Variants in HOXC4 observed in about 807,000 individuals in gnomAD.
The protein encoded by HOXC4 is homeobox C4.
HOXC4 carries 15 observed loss-of-function variants against 25.5 expected under a neutral mutation model. That is an observed-to-expected ratio of 0.59 (90% CI 0.39 to 0.91). The LOEUF (loss-of-function observed/expected upper bound fraction) is 0.91, where lower values mean the gene tolerates loss of function less well. HOXC4 is among the 40% of genes least tolerant of loss of function. The probability of loss-of-function intolerance (pLI) is 0.00; values close to 1 mark genes in which losing one functional copy is unlikely to be tolerated. For synonymous variants in HOXC4, 165 were observed against 148.0 expected (o/e 1.11, Z -0.83); for missense variants, 342 against 352.4 (o/e 0.97, Z 0.24).
chr12:54,036,088 G>C (rs1941179163), intron 1 of HOXC4, among the ~76,000 whole-genome samples: 1 of 152,136 alleles, frequency 6.6e-6, no homozygotes, highest in South Asian at 2.1e-4. Context: ...TCAGTCTCTG[G>C]GATTTTGTGT....
chr12:54,034,992 A>C, intron 1 of HOXC4: 1 of 169,184 alleles, frequency 5.9e-6, no homozygotes, highest in Admixed American at 5.5e-5. Flanking sequence ...TAGCGACTAA[A>C]CTAGATTTTC....
intron 1 of HOXC4, chr12:54,029,683 C>T: frequency 6.2e-7 from 1 of 1,613,592 alleles, no homozygotes; most frequent in South Asian, 1.1e-5. Context: ...ACCGGAGGCG[C>T]GGCCGCCAGA....
intron 1 of HOXC4, among the ~76,000 whole-genome samples, chr12:54,047,422 C>T (rs1202799594): frequency 3.9e-5 from 6 of 152,206 alleles, no homozygotes; most frequent in African/African-American, 4.8e-5. Context: ...AGGGCGAGGC[C>T]GAAGCCCGCC....
At chr12:54,020,249 C>T (rs1362549232) in intron 1 of HOXC4, 2 of 152,238 alleles carry the variant, frequency 1.3e-5, no homozygotes, top group East Asian at 3.9e-4. Context: ...ACACCCGGGG[C>T]AGAGACACTG....
chr12:54,034,858 C>G lies in HOXC4; in HGVS notation c.-124+17444C>G, dbSNP rs1941141408. On this transcript the variant is annotated intron_variant, in intron 1 of 3. Coordinates refer to the HOXC4 transcript ENST00000303406. Reference sequence around the variant, plus strand: ...GCGGCCCTCCCGAGTTAAGGTGGGCCCGGCCCGCGCCACAGGACCCTCGCC... The same window carrying G: ...GCGGCCCTCCCGAGTTAAGGTGGGCGCGGCCCGCGCCACAGGACCCTCGCC... 1.0e-5 allele frequency: 3 copies of G among 290,678 alleles called. No homozygotes were observed. In the Admixed American group the frequency reaches 1.4e-4, roughly 13 times the overall value. 18.0% of individuals were successfully genotyped at this position (290,678 alleles called of 1,614,324 possible).
At chr12:54,026,551 T>A (rs1482833321) in intron 1 of HOXC4, among the ~76,000 whole-genome samples, 1 of 152,206 alleles carries the variant, frequency 6.6e-6, no homozygotes, top group African/African-American at 2.4e-5. Flanking sequence ...GGAGGAACCT[T>A]TATAATTATA....
In HOXC4 at chr12:54,027,088, A is replaced by C. The variant is rs545495143; in HGVS notation, c.-124+9674A>C. Among the ~76,000 whole-genome samples the C allele has an allele frequency of 4.2e-4, 64 of 151,516 alleles. 1 individual carries two copies. The Middle Eastern group carries it at 0.014, about 32-fold the overall frequency. ...TTAAGTTTGGACTAATCAGGAGAAA[A>C]CCCCCATCTGCACACTTTCCGCTGT... On this transcript the variant is annotated intron_variant, in intron 1 of 3. Transcript: ENST00000303406.
chr12:54,029,629 A>G, intron 1 of HOXC4: 1 of 1,602,984 alleles, frequency 6.2e-7, no homozygotes, highest in Non-Finnish European at 8.5e-7. Flanking sequence ...GATTGCTTTT[A>G]GTGTGTTTTG....
In HOXC4 at chr12:54,055,285, AATATATAT is replaced by A. The variant is rs60894549; in HGVS notation, c.*100_*107del. 7.6e-4 allele frequency: 174 copies of A among 228,090 alleles called. No individual in the cohort carries two copies. Among genetic ancestry groups the A allele is most frequent in the African/African-American group, 2.9e-3 (82 of 28,280 alleles). The allele number at this position is 228,090 out of a possible 1,614,324, so 14.1% of individuals were successfully genotyped here. A position where few individuals can be genotyped will look rare whatever the true frequency, so the allele number is the denominator to read the frequency against. On this transcript the variant is annotated 3_prime_UTR_variant, in exon 2 of 2. Coordinates refer to ENST00000430889, the MANE Select transcript of HOXC4 (RefSeq NM_153633.3). The stretch of plus-strand genomic sequence containing the variant: ...AAATTGACTCTTATTTATAGAATTT[AATATATAT>A]ATATATATATATATATATAGGTTCT...
At chr12:54,030,717 AAAATAAAT>A (rs1185935317) in intron 1 of HOXC4, 1 of 152,726 alleles carries the variant, frequency 6.5e-6, no homozygotes, top group South Asian at 2.1e-4. Flanking sequence ...CCAGTAGGAG[AAAATAAAT>A]AAATAAATAA....
At chr12:54,028,732 G>A (rs1008121274) in intron 1 of HOXC4, 3 of 1,614,020 alleles carry the variant, frequency 1.9e-6, no homozygotes, top group African/African-American at 2.7e-5. Flanking sequence ...GGGGCCGTAT[G>A]ACTATGGATC....
chr12:54,019,318 G>T (rs1565735170), intron 1 of HOXC4, among the ~76,000 whole-genome samples: 1 of 152,112 alleles, frequency 6.6e-6, no homozygotes, highest in Non-Finnish European at 1.5e-5. Context: ...GCTGCCGCGC[G>T]CTCTCCCGCC....
intron 1 of HOXC4, among the ~76,000 whole-genome samples, chr12:54,018,456 G>C (rs1378354516): frequency 6.6e-6 from 1 of 152,246 alleles, no homozygotes; most frequent in South Asian, 2.1e-4. Flanking sequence ...GGGGCTGCTG[G>C]CTTATGGGGT....
chr12:54,040,559 T>C (rs966913710), intron 1 of HOXC4, among the ~76,000 whole-genome samples: 9 of 152,246 alleles, frequency 5.9e-5, no homozygotes, highest in African/African-American at 2.2e-4. Context: ...CAATCTCAAA[T>C]GCACAAGGAT....
chr12:54,047,907 A>AT (rs981978623), intron 1 of HOXC4: 19 of 152,238 alleles, frequency 1.2e-4, no homozygotes, highest in African/African-American at 4.1e-4. Context: ...TGGTGCCACG[A>AT]TTTTGCCAAG....
chr12:54,052,321 C>T (rs1937864673), upstream of HOXC4, among the ~76,000 whole-genome samples: 1 of 152,256 alleles, frequency 6.6e-6, no homozygotes, highest in Admixed American at 6.5e-5. Context: ...GCAAGCGCTC[C>T]TACCACCGCT....
At chr12:54,020,917 C>CTTTT (rs898616385) in intron 1 of HOXC4, 12 of 152,394 alleles carry the variant, frequency 7.9e-5, no homozygotes, top group African/African-American at 2.6e-4. Context: ...ACTCTCCCAA[C>CTTTT]TTAGAAATTA....
intron 1 of HOXC4, among the ~76,000 whole-genome samples, chr12:54,027,213 T>C (rs1480275128): frequency 6.6e-6 from 1 of 152,186 alleles, no homozygotes; most frequent in Non-Finnish European, 1.5e-5. Flanking sequence ...GGGAATAAAA[T>C]GGGCGTTGAG....
intron 1 of HOXC4, among the ~76,000 whole-genome samples, chr12:54,038,750 C>G (rs1941226796): frequency 6.6e-6 from 1 of 152,104 alleles, no homozygotes; most frequent in Non-Finnish European, 1.5e-5. Context: ...CTCTAAGAGC[C>G]CTAGAGGTTC....
Sources: allele counts gnomAD v4.1 joint callset (sites outside exome capture counted in the v4.1 genomes callset), GRCh38; gene constraint gnomAD v4.1.1; transcripts MANE v1.5; gene names NCBI Gene and HGNC (gene_info 2026-07-23, HGNC 2026-07-21).